CDKAL1: variants seen among roughly 807,000 people sequenced by gnomAD.
The protein encoded by CDKAL1 is threonylcarbamoyladenosine tRNA methylthiotransferase.
A neutral mutation model predicts 68.2 loss-of-function variants in CDKAL1; 32 were observed. The observed-to-expected ratio is 0.47, with a 90% CI of 0.35 to 0.63. The LOEUF (loss-of-function observed/expected upper bound fraction) is 0.63, where lower values mean the gene tolerates loss of function less well. Ranked by LOEUF, CDKAL1 falls within the 30% of genes least tolerant of loss-of-function variation. CDKAL1 has a pLI of 0.00. For synonymous variants in CDKAL1, 234 were observed against 244.3 expected, an observed-to-expected ratio of 0.96 and a Z score of 0.39; for missense variants, 606 against 696.7, an observed-to-expected ratio of 0.87 and a Z score of 1.47.
At chr6:20,641,634 C>G (rs1768180405) in intron 4 of CDKAL1, among the ~76,000 whole-genome samples, 1 of 152,130 alleles carries the variant, frequency 6.6e-6, no homozygotes, top group African/African-American at 2.4e-5. Context: ...TTTGTTTCTT[C>G]TGATAATATC....
At chr6:21,088,566 T>G (rs751994291) in intron 12 of CDKAL1, among the ~76,000 whole-genome samples, 88 of 152,340 alleles carry the variant, frequency 5.8e-4, no homozygotes, top group Non-Finnish European at 1.1e-3. Context: ...TATTATTTCC[T>G]GTTGCTTTCA....
chr6:20,837,975 GTGTGTGTA>G (rs1283867495), intron 8 of CDKAL1, among the ~76,000 whole-genome samples: 36 of 149,240 alleles, frequency 2.4e-4, no homozygotes, highest in African/African-American at 8.4e-4. Flanking sequence ...GTGTGTGTGT[GTGTGTGTA>G]TACTTCTATG....
chr6:20,739,671 A>G, intron 6 of CDKAL1, 56 bp downstream of exon 6: 2 of 916,466 alleles, frequency 2.2e-6, no homozygotes, highest in Admixed American at 2.3e-5. Flanking sequence ...CACCTGTAAT[A>G]GCTCCGCATT....
chr6:20,776,574 C>T (rs1241646253), intron 7 of CDKAL1, among the ~76,000 whole-genome samples: 4 of 152,140 alleles, frequency 2.6e-5, no homozygotes, highest in Non-Finnish European at 4.4e-5. Flanking sequence ...TACTTAGAAT[C>T]TTAGAGCTGT....
chr6:21,212,610 G>C (rs1779194739), intron 15 of CDKAL1, among the ~76,000 whole-genome samples: 1 of 151,994 alleles, frequency 6.6e-6, no homozygotes, highest in South Asian at 2.1e-4. Context: ...TAAAATAATA[G>C]AACATTATTT....
At chr6:20,770,237 ATGAG>A in intron 7 of CDKAL1, among the ~76,000 whole-genome samples, 1 of 152,324 alleles carries the variant, frequency 6.6e-6, no homozygotes, top group East Asian at 1.9e-4. Flanking sequence ...AAATTGGGAA[ATGAG>A]TGAGTGAACG....
intron 5 of CDKAL1, among the ~76,000 whole-genome samples, chr6:20,706,097 C>A (rs1771582613): frequency 6.6e-6 from 1 of 152,130 alleles, no homozygotes; most frequent in East Asian, 1.9e-4. Context: ...CTTCACAGGA[C>A]AATAGGAGAG....
At chr6:20,617,506 G>T (rs569114236) in intron 4 of CDKAL1, among the ~76,000 whole-genome samples, 1 of 152,258 alleles carries the variant, frequency 6.6e-6, no homozygotes, top group South Asian at 2.1e-4. Flanking sequence ...CCATGTTGGT[G>T]TGCTGCACCT....
intron 5 of CDKAL1, among the ~76,000 whole-genome samples, chr6:20,684,275 C>T (rs1053646728): frequency 2.6e-5 from 4 of 152,184 alleles, no homozygotes; most frequent in African/African-American, 4.8e-5. Flanking sequence ...AACCCTGTCT[C>T]TACTAAAAAT....
Position 21,003,158 on chromosome 6 carries a change from A to G in CDKAL1, c.1055+2786A>G, listed in dbSNP as rs908012097. ...AAAGAGTTTTCCTGTCCTCTTGGGG[A>G]AGTCCATCTACCTGGTGAGTAATTT... On this transcript the variant is annotated intron_variant, in intron 11 of 15. Transcript: ENST00000274695. Among the ~76,000 whole-genome samples the G allele has an allele frequency of 8.6e-5, 13 of 151,128 alleles. 1 individual carries two copies. The highest frequency in any genetic ancestry group is 7.3e-4 in the Admixed American group (11 of 15,154).
At chr6:21,207,875 T>A (rs1778999951) in intron 15 of CDKAL1, among the ~76,000 whole-genome samples, 1 of 152,226 alleles carries the variant, frequency 6.6e-6, no homozygotes, top group Non-Finnish European at 1.5e-5. Context: ...AGCCATAGAT[T>A]TCTGACAATG....
intron 9 of CDKAL1, among the ~76,000 whole-genome samples, chr6:20,857,660 A>G (rs1337555246): frequency 6.6e-6 from 1 of 152,244 alleles, no homozygotes; most frequent in Non-Finnish European, 1.5e-5. Flanking sequence ...CAGATGATAC[A>G]AAGATCACTT....
At chr6:21,141,093 T>A (rs1196838246) in intron 13 of CDKAL1, among the ~76,000 whole-genome samples, 2 of 152,098 alleles carry the variant, frequency 1.3e-5, no homozygotes, top group East Asian at 3.9e-4. Flanking sequence ...CAATTCAAGT[T>A]GAGATTTGAA....
chr6:20,994,867 A>C (rs929598801), intron 10 of CDKAL1, among the ~76,000 whole-genome samples: 2 of 152,230 alleles, frequency 1.3e-5, no homozygotes. Context: ...CTATGGACTT[A>C]TCAGAGTGGT....
chr6:21,118,331 G>C (rs956466959), intron 13 of CDKAL1, among the ~76,000 whole-genome samples: 12 of 152,130 alleles, frequency 7.9e-5, no homozygotes, highest in African/African-American at 2.7e-4. Context: ...GACTGTCAAG[G>C]GTCCTGTGAT....
chr6:20,599,818 A>G (rs2127710905), intron 4 of CDKAL1, among the ~76,000 whole-genome samples: 1 of 152,200 alleles, frequency 6.6e-6, no homozygotes, highest in Middle Eastern at 3.4e-3. Context: ...CAAAATGTTA[A>G]CTCCTTGGGT....
At chr6:20,954,237 A>C (rs1321614890) in intron 9 of CDKAL1, among the ~76,000 whole-genome samples, 1 of 152,120 alleles carries the variant, frequency 6.6e-6, no homozygotes, top group Non-Finnish European at 1.5e-5. Flanking sequence ...TCTTTATTTT[A>C]TGCTTTTTTA....
intron 5 of CDKAL1, among the ~76,000 whole-genome samples, chr6:20,689,354 C>T (rs1770771473): frequency 6.6e-6 from 1 of 152,166 alleles, no homozygotes; most frequent in Non-Finnish European, 1.5e-5. Context: ...TTAGATTTTC[C>T]TACCCTAACA....
At chr6:20,993,010 T>A (rs1766923148) in intron 10 of CDKAL1, among the ~76,000 whole-genome samples, 1 of 152,038 alleles carries the variant, frequency 6.6e-6, no homozygotes, top group Admixed American at 6.6e-5. Flanking sequence ...ATTATATGAG[T>A]CTATTTATAT....
Sources: gnomAD v4.1 joint callset for allele counts (sites outside exome capture counted in the v4.1 genomes callset) on GRCh38, gnomAD v4.1.1 for gene constraint, MANE v1.5 for transcripts, NCBI Gene and HGNC (gene_info 2026-07-23, HGNC 2026-07-21) for gene names.